TGFBR2: variants seen among roughly 807,000 people sequenced by gnomAD.
TGFBR2 encodes the protein transforming growth factor beta receptor 2.
In TGFBR2, 18 loss-of-function variants were observed where a neutral mutation model predicts 49.0. The ratio of observed to expected loss-of-function variants is 0.37; its 90% CI spans 0.25 to 0.54. The LOEUF (loss-of-function observed/expected upper bound fraction) is 0.54, where lower values mean the gene tolerates loss of function less well. Among genes scored for constraint, TGFBR2 ranks in the 20% least tolerant of loss-of-function variants. The pLI, the probability that TGFBR2 is intolerant of heterozygous loss-of-function variation, is 0.85. For synonymous variants in TGFBR2, 282 were observed against 275.9 expected, an observed-to-expected ratio of 1.02 and a Z score of -0.22; for missense variants, 525 against 722.6, an observed-to-expected ratio of 0.73 and a Z score of 3.13.
chr3:30,674,925 C>T (rs561809251), intron 5 of TGFBR2, among the ~76,000 whole-genome samples: 1 of 152,098 alleles, frequency 6.6e-6, no homozygotes, highest in South Asian at 2.1e-4. Flanking sequence ...TCATAGCCTC[C>T]CAGGTGCCCT....
Position 30,613,131 on chromosome 3 carries a change from CTTT to C in TGFBR2, c.94+6170_94+6172del, listed in dbSNP as rs5847644. On this transcript the variant is annotated intron_variant, in intron 1 of 6. Transcript: ENST00000295754. ...CTGGGAAAGGTCAAGACATGCAGCT[CTTT>C]TTTTTTTTTTTTTTTCTTCTCTTTT... Among the ~76,000 whole-genome samples, 6 of 129,318 alleles carry C rather than the reference CTTT, an allele frequency of 4.6e-5. 1 individual carries two copies. In the South Asian group the frequency reaches 7.6e-4, roughly 16 times the overall value. The allele number at this position is 129,318 out of a possible 152,430, so 84.8% of individuals were successfully genotyped here. A position where few individuals can be genotyped will look rare whatever the true frequency, so the allele number is the denominator to read the frequency against.
rs1170423783 is a variant in TGFBR2, at chr3:30,644,830, A to T, written c.178A>T (p.Thr60Ser). The T allele has an allele frequency of 6.2e-7, 1 of 1,614,100 alleles. No individual in the cohort carries two copies. The highest frequency in any genetic ancestry group is 1.7e-5 in the Admixed American group (1 of 60,006). ...LCKFCDVRFSTCDNQKSCMSN... is the reference protein window; with the variant it reads ...LCKFCDVRFSSCDNQKSCMSN... The stretch of plus-strand genomic sequence containing the variant: ...TAAATTTTGTGATGTGAGATTTTCC[A>T]CCTGTGACAACCAGAAATCCTGCAT... The change falls in exon 2 of 7, where the codon ACC becomes TCC. Residue 60 changes from threonine to serine, a missense_variant. Around this residue, in one of 3 missense-constraint regions of TGFBR2, gnomAD observed 376 missense variants for 478.2 expected, o/e 0.79. Coordinates refer to ENST00000295754, the MANE Select transcript of TGFBR2 (RefSeq NM_003242.6).
chr3:30,609,016 C>T (rs577306561), intron 1 of TGFBR2, among the ~76,000 whole-genome samples: 6 of 152,074 alleles, frequency 3.9e-5, no homozygotes, highest in African/African-American at 1.4e-4. Flanking sequence ...AATTCCAGAC[C>T]CAATAGTTCA....
In TGFBR2 at chr3:30,693,818, C is replaced by A. The variant is rs1699752131; in HGVS notation, c.*2219C>A. On this transcript the variant is annotated 3_prime_UTR_variant, in exon 7 of 7. Coordinates refer to ENST00000295754, the MANE Select transcript of TGFBR2 (RefSeq NM_003242.6). ...AACTGGAATGTAGTGTCAGAGGATA[C>A]TGTGGCTTGTTTTGTTTATGTTTTT... The A allele has an allele frequency of 1.3e-5, 3 of 231,576 alleles. No homozygotes were observed. Among genetic ancestry groups the A allele is most frequent in the Non-Finnish European group, 2.6e-5 (3 of 117,312 alleles). The allele number at this position is 231,576 out of a possible 1,614,324, so 14.3% of individuals were successfully genotyped here.
At chr3:30,654,352 T>C (rs1698955313) in intron 3 of TGFBR2, among the ~76,000 whole-genome samples, 1 of 152,214 alleles carries the variant, frequency 6.6e-6, no homozygotes, top group South Asian at 2.1e-4. Context: ...GAAACCTTGC[T>C]GTTTTTTTCT....
Position 30,672,545 on chromosome 3 carries a change from C to T in TGFBR2, c.1254+108C>T, listed in dbSNP as rs1419302455. 33 of 1,264,554 alleles carry T rather than the reference C, an allele frequency of 2.6e-5. 1 individual carries two copies. The Admixed American group carries it at 4.4e-4, about 17-fold the overall frequency. 78.3% of individuals were successfully genotyped at this position (1,264,554 alleles called of 1,614,324 possible). ...CTCAAACAGCCCTGTACTCTGGACA[C>T]TGGTCTAGGGAATCTAGCCAAAGTA... On this transcript the variant is annotated intron_variant, in intron 4 of 6. Coordinates refer to ENST00000295754, the MANE Select transcript of TGFBR2 (RefSeq NM_003242.6). The surrounding 1 kb of genome is among the most constrained non-coding windows in gnomAD (Gnocchi z 4.5).
chr3:30,655,538 C>T (rs1295133622), intron 3 of TGFBR2, among the ~76,000 whole-genome samples: 2 of 152,164 alleles, frequency 1.3e-5, no homozygotes, highest in Non-Finnish European at 2.9e-5. Flanking sequence ...AGAATCACAG[C>T]AGGAAGCAGC....
intron 2 of TGFBR2, among the ~76,000 whole-genome samples, chr3:30,648,428 A>ACC (rs1698813122): frequency 1.2e-5 from 1 of 85,836 alleles, no homozygotes; most frequent in Non-Finnish European, 2.3e-5. Context: ...CTACACACAC[A>ACC]CACACACACA....
intron 3 of TGFBR2, 70 bp from the exon 4 acceptor site, chr3:30,671,568 G>C: frequency 6.7e-7 from 1 of 1,500,594 alleles, no homozygotes. Context: ...GCTCAGGCAT[G>C]AACCCACTTC....
At chr3:30,674,027 GCCA>G in intron 4 of TGFBR2, 75 bp from the exon 5 acceptor site, 3 of 1,575,290 alleles carry the variant, frequency 1.9e-6, no homozygotes, top group Non-Finnish European at 2.6e-6. Context: ...CGTGTCAGGG[GCCA>G]CCATCAGCTA....
chr3:30,661,613 A>T, intron 3 of TGFBR2: 1 of 515,656 alleles, frequency 1.9e-6, no homozygotes, highest in Non-Finnish European at 3.9e-6. Context: ...GAATCTGCTC[A>T]TGTGATGAAG....
At position 30,671,521 on chromosome 3, in the gene TGFBR2, A is replaced by G. The variant is rs916346921; in HGVS notation, c.455-117A>G. 1.1e-5 allele frequency: 11 copies of G among 1,027,086 alleles called. 1 individual carries two copies. The East Asian group carries it at 2.7e-4, about 25-fold the overall frequency. 63.6% of individuals were successfully genotyped at this position (1,027,086 alleles called of 1,614,324 possible). A position where few individuals can be genotyped will look rare whatever the true frequency, so the allele number is the denominator to read the frequency against. ...CTGAAATAAAAATTAACAATATCGT[A>G]TCTACAAAAACTATGCAGATGCTAA... On this transcript the variant is annotated intron_variant, in intron 3 of 6. Coordinates refer to ENST00000295754, the MANE Select transcript of TGFBR2 (RefSeq NM_003242.6).
At chr3:30,651,259 G>T (rs562727635) in intron 3 of TGFBR2, among the ~76,000 whole-genome samples, 1 of 152,050 alleles carries the variant, frequency 6.6e-6, no homozygotes, top group South Asian at 2.1e-4. Context: ...GTACATTTTC[G>T]TCCTCCCCTC....
At chr3:30,661,568 G>T in intron 3 of TGFBR2, 1 of 515,150 alleles carries the variant, frequency 1.9e-6, no homozygotes, top group Non-Finnish European at 3.9e-6. Flanking sequence ...TCAAACAATC[G>T]ATTGCAAAGG....
rs1006637921 is a variant in TGFBR2, at chr3:30,624,839, C to T, written c.94+17862C>T. On this transcript the variant is annotated intron_variant, in intron 1 of 6. Transcript: ENST00000295754. The stretch of plus-strand genomic sequence containing the variant: ...GTGTGGACTTCTTTCTGTTTTCCAC[C>T]AGTGTTCTTCAGGGTGATTTTTCCA... 2.0e-5 allele frequency among the ~76,000 whole-genome samples: 3 copies of T among 152,046 alleles called. No individual in the cohort carries two copies. In the South Asian group the frequency reaches 6.2e-4, roughly 32 times the overall value.
At chr3:30,654,292 C>A (rs937207403) in intron 3 of TGFBR2, among the ~76,000 whole-genome samples, 1 of 152,158 alleles carries the variant, frequency 6.6e-6, no homozygotes, top group Non-Finnish European at 1.5e-5. Context: ...GTCATAGATG[C>A]CCTTTCCTCA....
intron 1 of TGFBR2, among the ~76,000 whole-genome samples, chr3:30,608,705 A>G (rs1255132018): frequency 1.3e-5 from 2 of 152,204 alleles, no homozygotes; most frequent in African/African-American, 4.8e-5. Context: ...AAGAGGCACT[A>G]TTGCAAGCAA....
intron 2 of TGFBR2, among the ~76,000 whole-genome samples, chr3:30,649,274 C>G (rs1261865700): frequency 6.6e-6 from 1 of 152,046 alleles, no homozygotes; most frequent in Non-Finnish European, 1.5e-5. Context: ...GGACAGTCAT[C>G]CAAGATAGTA....
chr3:30,607,400 G>T (rs913833216), intron 1 of TGFBR2, among the ~76,000 whole-genome samples: 7 of 152,234 alleles, frequency 4.6e-5, no homozygotes, highest in African/African-American at 1.7e-4. Context: ...TGCCCACCCA[G>T]CTCTTTCTGA....
Sources: allele counts gnomAD v4.1 joint callset (sites outside exome capture counted in the v4.1 genomes callset), GRCh38; gene constraint gnomAD v4.1.1; regional missense constraint gnomAD v4.1.1; non-coding constraint Gnocchi (gnomAD v3.1); transcripts MANE v1.5; gene names NCBI Gene and HGNC (gene_info 2026-07-23, HGNC 2026-07-21).